Variants in PFKFB3 observed in about 807,000 individuals in gnomAD.
PFKFB3 encodes the protein 6-phosphofructo-2-kinase/fructose-2,6-biphosphatase 3, also known as 6-phosphofructo-2-kinase/fructose-2,6-bisphosphatase 3.
Under a neutral mutation model 68.0 loss-of-function variants are expected in PFKFB3, and 33 were observed. The ratio of observed to expected loss-of-function variants is 0.49; its 90% CI spans 0.37 to 0.65. PFKFB3 has a LOEUF of 0.65. PFKFB3 is among the 30% of genes least tolerant of loss of function. The probability of loss-of-function intolerance (pLI) is 0.00; values close to 1 mark genes in which losing one functional copy is unlikely to be tolerated. For missense variants in PFKFB3, 586 were observed against 712.2 expected, an observed-to-expected ratio of 0.82 and a Z score of 2.02; for synonymous variants, 315 against 288.2, an observed-to-expected ratio of 1.09 and a Z score of -0.94.
the PFKFB3 span, among the ~76,000 whole-genome samples, chr10:6,323,890 G>A: frequency 6.6e-6 from 1 of 152,152 alleles, no homozygotes; most frequent in South Asian, 2.1e-4. Flanking sequence ...GCGTGATTCC[G>A]CCATTCTACT....
intron 1 of PFKFB3, among the ~76,000 whole-genome samples, chr10:6,179,670 C>G (rs1842649793): frequency 6.6e-6 from 1 of 152,202 alleles, no homozygotes; most frequent in Admixed American, 6.5e-5. Context: ...TCAACTGGAT[C>G]ATCATGGGCT....
chr10:6,184,139 G>A (rs1370141233), intron 1 of PFKFB3, among the ~76,000 whole-genome samples: 2 of 151,898 alleles, frequency 1.3e-5, no homozygotes, highest in Admixed American at 1.3e-4. Flanking sequence ...TGCAATCTCC[G>A]CCTTCTGGGT....
intron 6 of PFKFB3, among the ~76,000 whole-genome samples, chr10:6,217,922 C>T (rs1293011595): frequency 1.3e-5 from 2 of 152,136 alleles, no homozygotes; most frequent in African/African-American, 4.8e-5. Context: ...AACACTGGGA[C>T]GCTGTGGTGC....
intron 1 of PFKFB3, among the ~76,000 whole-genome samples, chr10:6,190,661 C>T (rs182270174): frequency 1.3e-5 from 2 of 152,290 alleles, no homozygotes; most frequent in East Asian, 3.9e-4. Flanking sequence ...ACAAAAACAA[C>T]AGATTGTACC....
At chr10:6,227,638 G>A (rs994627867) in intron 14 of PFKFB3, among the ~76,000 whole-genome samples, 1 of 152,208 alleles carries the variant, frequency 6.6e-6, no homozygotes, top group Non-Finnish European at 1.5e-5. Context: ...GCGTAGACAC[G>A]GTGAGGTGGC....
At chr10:6,300,831 G>A in the PFKFB3 span, among the ~76,000 whole-genome samples, 122 of 152,292 alleles carry the variant, frequency 8.0e-4, no homozygotes, top group Admixed American at 7.8e-4. Flanking sequence ...TTGGTTTCTT[G>A]AGGCGATTAT....
chr10:6,165,061 G>A (rs1842088005), intron 1 of PFKFB3, among the ~76,000 whole-genome samples: 1 of 152,044 alleles, frequency 6.6e-6, no homozygotes, highest in African/African-American at 2.4e-5. Flanking sequence ...GCTGGGGCAC[G>A]GTCAGGTCTT....
chr10:6,240,465 G>A (rs953106763), downstream of PFKFB3, among the ~76,000 whole-genome samples: 4 of 151,652 alleles, frequency 2.6e-5, no homozygotes, highest in African/African-American at 7.3e-5. Context: ...GGGTTTCACT[G>A]TGTTGGCCAG....
chr10:6,193,866 C>T (rs922357312), intron 1 of PFKFB3, among the ~76,000 whole-genome samples: 2 of 152,156 alleles, frequency 1.3e-5, no homozygotes, highest in Non-Finnish European at 2.9e-5. Context: ...GTACATTGAT[C>T]AGTTAGGTTG....
intron 13 of PFKFB3, chr10:6,224,607 C>T (rs547550817): frequency 1.6e-4 from 63 of 398,198 alleles, no homozygotes; most frequent in Middle Eastern, 8.5e-4. Context: ...CAGCCTCCCG[C>T]GTAGCTGAGA....
At chr10:6,300,014 G>A in the PFKFB3 span, among the ~76,000 whole-genome samples, 1 of 108,656 alleles carries the variant, frequency 9.2e-6, no homozygotes. Flanking sequence ...AGGGAGGAAT[G>A]TTAAGCCTCA....
Position 6,228,109 on chromosome 10 carries a change from G to C in PFKFB3, c.1515+1744G>C. 6.9e-7 allele frequency: 1 copy of C among 1,453,648 alleles called. No individual in the cohort carries two copies. The highest frequency in any genetic ancestry group is 9.6e-7 in the Non-Finnish European group (1 of 1,037,202). 90.0% of individuals were successfully genotyped at this position (1,453,648 alleles called of 1,614,324 possible). On this transcript the variant is annotated intron_variant, in intron 14 of 14. Coordinates refer to ENST00000379775, the MANE Select transcript of PFKFB3 (RefSeq NM_004566.4). This position sits in a 1 kb window ranked among gnomAD's most constrained non-coding sequence, Gnocchi z 4.5. ...TTAGGGACGTCTGAAGCTGCTGGCTGGGCCGGCGTGGGGTTTTTCAGGGCT... is the reference window on the plus strand; with the variant it reads ...TTAGGGACGTCTGAAGCTGCTGGCTCGGCCGGCGTGGGGTTTTTCAGGGCT...
intron 1 of PFKFB3, among the ~76,000 whole-genome samples, chr10:6,192,019 AT>A (rs35140138): frequency 0.69 from 103,866 of 151,328 alleles, 36,284 homozygotes; most frequent in Non-Finnish European, 0.75. Flanking sequence ...CTAGATGAGT[AT>A]TTTTTTTAAC....
chr10:6,318,780 C>T, the PFKFB3 span, among the ~76,000 whole-genome samples: 1 of 152,108 alleles, frequency 6.6e-6, no homozygotes, highest in Admixed American at 6.5e-5. Flanking sequence ...AATCAGTCCT[C>T]GGGGTGGTGA....
chr10:6,280,415 C>T, the PFKFB3 span, among the ~76,000 whole-genome samples: 2 of 152,334 alleles, frequency 1.3e-5, no homozygotes, highest in South Asian at 4.1e-4. Context: ...TGTTTGTGAA[C>T]CTGGCTCGCC....
At chr10:6,160,765 T>C (rs1450679426) in intron 1 of PFKFB3, among the ~76,000 whole-genome samples, 2 of 145,298 alleles carry the variant, frequency 1.4e-5, no homozygotes, top group South Asian at 2.2e-4. Context: ...ATGGTAAATA[T>C]GGTAAAATGT....
the PFKFB3 span, among the ~76,000 whole-genome samples, chr10:6,313,247 T>G: frequency 6.6e-6 from 1 of 152,242 alleles, no homozygotes; most frequent in Admixed American, 6.5e-5. This position sits in a 1 kb window ranked among gnomAD's most constrained non-coding sequence, Gnocchi z 4.2. Flanking sequence ...TACTGCTAAT[T>G]TTTGTAACTG....
intron 1 of PFKFB3, among the ~76,000 whole-genome samples, chr10:6,158,146 G>A (rs956029103): frequency 7.2e-5 from 11 of 151,884 alleles, no homozygotes; most frequent in African/African-American, 1.5e-4. Context: ...AAAATTAGCC[G>A]GGCGTGGTGG....
At chr10:6,249,265 A>G (rs1174263897) in intron 14 of PFKFB3, among the ~76,000 whole-genome samples, 1 of 152,066 alleles carries the variant, frequency 6.6e-6, no homozygotes, top group East Asian at 1.9e-4. Flanking sequence ...AGCCACTATG[A>G]AAAATTGTAT....
Sources: gnomAD v4.1 joint callset for allele counts (sites outside exome capture counted in the v4.1 genomes callset) on GRCh38, gnomAD v4.1.1 for gene constraint, Gnocchi (gnomAD v3.1) non-coding constraint, MANE v1.5 for transcripts, NCBI Gene and HGNC (gene_info 2026-07-23, HGNC 2026-07-21) for gene names.